Variants in GABRG1 observed in about 807,000 individuals in gnomAD.
The protein encoded by GABRG1 is gamma-aminobutyric acid receptor subunit gamma-1.
A neutral mutation model predicts 49.8 loss-of-function variants in GABRG1; 49 were observed. The observed-to-expected ratio is 0.98, with a 90% confidence interval of 0.78 to 1.25. GABRG1 has a LOEUF of 1.25. Among genes scored for constraint, GABRG1 ranks in the 50% most tolerant of loss-of-function variants. The probability of loss-of-function intolerance (pLI) is 0.00; values close to 1 mark genes in which losing one functional copy is unlikely to be tolerated. For missense variants in GABRG1, 552 were observed against 552.3 expected (o/e 1.00, Z 0.01); for synonymous variants, 232 against 185.1 (o/e 1.25, Z -2.06).
At chr4:46,122,412 T>G (rs1721113809) in intron 1 of GABRG1, among the ~76,000 whole-genome samples, 1 of 152,094 alleles carries the variant, frequency 6.6e-6, no homozygotes, top group Admixed American at 6.6e-5. Context: ...AAATATCTTT[T>G]ATAAAATGCT....
Position 46,088,766 on chromosome 4 carries a change from C to CA in GABRG1, c.254-4714_254-4713insT, listed in dbSNP as rs764843494. 7.7e-4 allele frequency among the ~76,000 whole-genome samples: 112 copies of CA among 145,820 alleles called. 1 individual carries two copies. The highest frequency in any genetic ancestry group is 4.1e-4 in the Admixed American group (6 of 14,790). The stretch of plus-strand genomic sequence containing the variant: ...ACACACACACACACACACACACACA[C>CA]CCCATATATCTATATTTAAATGGCA... On this transcript the variant is annotated intron_variant, in intron 2 of 8. Transcript: ENST00000295452.
intron 1 of GABRG1, among the ~76,000 whole-genome samples, chr4:46,118,132 G>GTATA (rs1553884495): frequency 9.1e-5 from 10 of 109,962 alleles, no homozygotes; most frequent in African/African-American, 5.6e-4. Flanking sequence ...GTGTGTGTGT[G>GTATA]TATATATATA....
In GABRG1 at chr4:46,040,495, C is replaced by G. The variant is rs1717727545; in HGVS notation, c.*493G>C. On this transcript the variant is annotated 3_prime_UTR_variant, in exon 9 of 9. Transcript: ENST00000295452. ...TATCTTGGAAGAAAATCCAAGAAAA[C>G]TATGGCTTTATGTTATCAACTAACT... The G allele has an allele frequency of 6.6e-6, 1 of 152,278 alleles. No individual in the cohort carries two copies. The highest frequency in any genetic ancestry group is 1.5e-5 in the Non-Finnish European group (1 of 67,902). The allele number at this position is 152,278 out of a possible 1,614,324, so 9.4% of individuals were successfully genotyped here. A position where few individuals can be genotyped will look rare whatever the true frequency, so the allele number is the denominator to read the frequency against.
At chr4:46,059,247 T>C (rs532947753) in intron 5 of GABRG1, among the ~76,000 whole-genome samples, 1 of 152,302 alleles carries the variant, frequency 6.6e-6, no homozygotes, top group South Asian at 2.1e-4. Flanking sequence ...AACATTATTA[T>C]GCATGCCTCC....
intron 3 of GABRG1, among the ~76,000 whole-genome samples, chr4:46,072,918 G>A (rs1719185713): frequency 6.6e-6 from 1 of 151,852 alleles, no homozygotes; most frequent in African/African-American, 2.4e-5. Context: ...GCAGTTCTTA[G>A]TAAAAATACT....
chr4:46,099,115 C>T (rs1720292277), intron 1 of GABRG1, among the ~76,000 whole-genome samples: 4 of 151,542 alleles, frequency 2.6e-5, no homozygotes. Flanking sequence ...AATGTTTCTC[C>T]TCTTCTTGTG....
intron 3 of GABRG1, among the ~76,000 whole-genome samples, chr4:46,071,955 A>G (rs1164931692): frequency 6.6e-6 from 1 of 152,070 alleles, no homozygotes; most frequent in Non-Finnish European, 1.5e-5. Context: ...AAGTAGTGCA[A>G]AGTAATGTCC....
At position 46,039,505 on chromosome 4, in the gene GABRG1, C is replaced by G. The variant is rs1347054426; in HGVS notation, c.*1483G>C. The G allele has an allele frequency of 6.6e-6, 1 of 151,660 alleles. No individual in the cohort carries two copies. The highest frequency in any genetic ancestry group is 1.5e-5 in the Non-Finnish European group (1 of 67,764). The allele number at this position is 151,660 out of a possible 1,614,324, so 9.4% of individuals were successfully genotyped here. On this transcript the variant is annotated 3_prime_UTR_variant, in exon 9 of 9. Transcript: ENST00000295452. ...ATTGCAGAGGTGACAGGTTTCCTCT[C>G]AAACCTTAAGTAAGATAGGCTGTGA...
intron 1 of GABRG1, among the ~76,000 whole-genome samples, chr4:46,112,742 G>T (rs367869548): frequency 6.6e-6 from 1 of 150,966 alleles, no homozygotes; most frequent in African/African-American, 2.4e-5. Context: ...CCTAACATTG[G>T]GTGCTCATGA....
At chr4:46,088,092 T>G (rs1304507371) in intron 2 of GABRG1, among the ~76,000 whole-genome samples, 1 of 152,076 alleles carries the variant, frequency 6.6e-6, no homozygotes, top group Non-Finnish European at 1.5e-5. Context: ...TTCTATCATT[T>G]CAGTAAGTTT....
At position 46,040,940 on chromosome 4, in the gene GABRG1, T is replaced by C. The variant is rs1023192438; in HGVS notation, c.*48A>G. ...CAAGTTACTGAAGCACAAAAGATTC[T>C]ACTGAATTTAGTCAGACTTCTTTTG... On this transcript the variant is annotated 3_prime_UTR_variant, in exon 9 of 9. Transcript: ENST00000295452. The C allele has an allele frequency of 6.5e-7, 1 of 1,540,346 alleles. No individual in the cohort carries two copies. The highest frequency in any genetic ancestry group is 1.9e-5 in the Admixed American group (1 of 51,618).
intron 2 of GABRG1, among the ~76,000 whole-genome samples, chr4:46,086,946 G>A (rs1719782495): frequency 9.2e-6 from 1 of 108,756 alleles, no homozygotes; most frequent in East Asian, 2.2e-4. Context: ...CTACTCCATA[G>A]GCAGAGCAGC....
At chr4:46,064,005 T>A (rs1272582587) in intron 5 of GABRG1, among the ~76,000 whole-genome samples, 1 of 152,172 alleles carries the variant, frequency 6.6e-6, no homozygotes, top group Non-Finnish European at 1.5e-5. Flanking sequence ...AAATATTTGC[T>A]ATTCGTATGG....
At chr4:46,053,988 G>GAAATAAAA (rs1289610727) in intron 7 of GABRG1, among the ~76,000 whole-genome samples, 18 of 38,154 alleles carry the variant, frequency 4.7e-4, no homozygotes, top group Non-Finnish European at 5.6e-4. Flanking sequence ...GTCTCCCATC[G>GAAATAAAA]TTTAAATCTT....
chr4:46,068,294 G>A (rs1383823336), intron 3 of GABRG1, among the ~76,000 whole-genome samples: 1 of 152,094 alleles, frequency 6.6e-6, no homozygotes, highest in Non-Finnish European at 1.5e-5. Flanking sequence ...TTCAACACTG[G>A]TTGGTAGAGG....
intron 1 of GABRG1, among the ~76,000 whole-genome samples, chr4:46,106,960 G>T (rs1035205654): frequency 6.6e-6 from 1 of 151,078 alleles, no homozygotes; most frequent in Non-Finnish European, 1.5e-5. Context: ...ATATTTAAGG[G>T]GAATGTGAGA....
At position 46,049,411 on chromosome 4, in the gene GABRG1, G is replaced by A. The variant is rs543962836; in HGVS notation, c.1131+2013C>T. Among the ~76,000 whole-genome samples the A allele has an allele frequency of 3.3e-5, 5 of 151,898 alleles. No individual in the cohort carries two copies. In the South Asian group the frequency reaches 8.3e-4, roughly 25 times the overall value. On this transcript the variant is annotated intron_variant, in intron 8 of 8. Coordinates refer to ENST00000295452, the MANE Select transcript of GABRG1 (RefSeq NM_173536.4). The stretch of plus-strand genomic sequence containing the variant: ...CTCAAAATATCATTTAGGACTGAAA[G>A]AGCTCATAAAGCACATAATTGAACA...
intron 2 of GABRG1, among the ~76,000 whole-genome samples, chr4:46,091,476 C>G (rs530881719): frequency 6.6e-6 from 1 of 152,004 alleles, no homozygotes; most frequent in South Asian, 2.1e-4. Context: ...CTCAAGTTAT[C>G]AAGACATCGT....
chr4:46,113,951 G>C (rs937919979), intron 1 of GABRG1, among the ~76,000 whole-genome samples: 3 of 151,090 alleles, frequency 2.0e-5, no homozygotes, highest in African/African-American at 7.3e-5. Flanking sequence ...CGTATCTTCT[G>C]AGTAGAAGAT....
Sources: allele counts gnomAD v4.1 joint callset (sites outside exome capture counted in the v4.1 genomes callset), GRCh38; gene constraint gnomAD v4.1.1; transcripts MANE v1.5; gene names NCBI Gene and HGNC (gene_info 2026-07-23, HGNC 2026-07-21).